HSPH1: variants seen among roughly 807,000 people sequenced by gnomAD.
HSPH1 encodes heat shock protein family H (Hsp110) member 1, also known as heat shock protein 105 kDa.
A neutral mutation model predicts 100.0 loss-of-function variants in HSPH1; 40 were observed. The ratio of observed to expected loss-of-function variants is 0.40; its 90% CI spans 0.31 to 0.52. HSPH1 has a LOEUF of 0.52. HSPH1 is among the 20% of genes least tolerant of loss of function. The probability of loss-of-function intolerance (pLI) is 0.54; values close to 1 mark genes in which losing one functional copy is unlikely to be tolerated. For missense variants in HSPH1, 876 were observed against 1,015.1 expected, an observed-to-expected ratio of 0.86 and a Z score of 1.86; for synonymous variants, 403 against 344.0, an observed-to-expected ratio of 1.17 and a Z score of -1.90.
chr13:31,143,064 A>C (rs980925463), intron 12 of HSPH1, among the ~76,000 whole-genome samples: 3 of 152,086 alleles, frequency 2.0e-5, no homozygotes, highest in Non-Finnish European at 4.4e-5. Flanking sequence ...GAGGATAAAA[A>C]ACTCTACCCT....
chr13:31,160,646 A>G (rs966303402), intron 1 of HSPH1, among the ~76,000 whole-genome samples: 1 of 152,216 alleles, frequency 6.6e-6, no homozygotes, highest in African/African-American at 2.4e-5. Context: ...GCTCCTATAG[A>G]ATATTTAGTT....
At chr13:31,148,316 A>G in intron 9 of HSPH1, 58 bp downstream of exon 9, 1 of 1,150,066 alleles carries the variant, frequency 8.7e-7, no homozygotes, top group South Asian at 1.3e-5. Context: ...TAGAGAAGTC[A>G]TTTGTTAATT....
rs756293393 is a variant in HSPH1, at chr13:31,153,001, A to G, written c.430-50T>C. The G allele has an allele frequency of 3.2e-6, 4 of 1,246,262 alleles. No individual in the cohort carries two copies. The African/African-American group carries it at 4.4e-5, about 14-fold the overall frequency. The allele number at this position is 1,246,262 out of a possible 1,614,324, so 77.2% of individuals were successfully genotyped here. A position where few individuals can be genotyped will look rare whatever the true frequency, so the allele number is the denominator to read the frequency against. ...ATTATCTAGAACACAAAATATACTTAGAAATTCCTCACAAACCACTTATAA... is the reference window on the plus strand; with the variant it reads ...ATTATCTAGAACACAAAATATACTTGGAAATTCCTCACAAACCACTTATAA... On this transcript the variant is annotated intron_variant, in intron 4 of 17. Coordinates refer to ENST00000320027, the MANE Select transcript of HSPH1 (RefSeq NM_006644.4).
chr13:31,141,849 G>A (rs976738675), intron 12 of HSPH1, among the ~76,000 whole-genome samples: 12 of 150,646 alleles, frequency 8.0e-5, no homozygotes, highest in African/African-American at 2.2e-4. Flanking sequence ...ATCCACCTTT[G>A]AATTGTATCA....
intron 12 of HSPH1, 128 bp from the exon 13 acceptor site, chr13:31,141,387 G>A: frequency 1.5e-6 from 1 of 688,886 alleles, no homozygotes. Context: ...AAAGTTGGAA[G>A]GATCTACAGG....
chr13:31,152,736 A>G (rs548177497), intron 5 of HSPH1, 116 bp downstream of exon 5: 2 of 697,404 alleles, frequency 2.9e-6, no homozygotes, highest in Non-Finnish European at 5.0e-6. Context: ...TTTGTTTTCA[A>G]ATCTGACTTG....
intron 2 of HSPH1, among the ~76,000 whole-genome samples, chr13:31,157,710 T>A (rs961756632): frequency 1.3e-5 from 2 of 152,244 alleles, no homozygotes; most frequent in African/African-American, 4.8e-5. Flanking sequence ...TATCTTTTAC[T>A]GTTTTTCTCT....
At chr13:31,146,235 C>T (rs1456565381) in intron 10 of HSPH1, among the ~76,000 whole-genome samples, 4 of 152,136 alleles carry the variant, frequency 2.6e-5, no homozygotes, top group Admixed American at 6.6e-5. Flanking sequence ...AAATCTTCTA[C>T]CTAGTCTTTA....
rs764560196 is a variant in HSPH1, at chr13:31,148,072, C to T, written c.1265G>A (p.Arg422Gln). 18 of 1,606,030 alleles carry T rather than the reference C, an allele frequency of 1.1e-5. No individual in the cohort carries two copies. Among genetic ancestry groups the T allele is most frequent in the East Asian group, 2.2e-5 (1 of 44,746 alleles). ...TTTGGAGAAAGGAGCAGCATGGTTTCGACTAAAGACTTCATGAACACTAGA... is the reference window on the plus strand; with the variant it reads ...TTTGGAGAAAGGAGCAGCATGGTTTTGACTAAAGACTTCATGAACACTAGA... ...DTEGVHEVFS[R>Q]NHAAPFSKVL... The change falls in exon 10 of 18, where the codon CGA (arginine) becomes CAA (glutamine). Residue 422 changes from arginine (R) to glutamine (Q), a missense_variant. Arg to Gln is a conservative substitution (Grantham distance 43). Transcript: ENST00000320027.
upstream of HSPH1, chr13:31,161,936 G>C: frequency 6.5e-7 from 1 of 1,535,064 alleles, no homozygotes; most frequent in Non-Finnish European, 8.7e-7. Flanking sequence ...TCAGCCTTAT[G>C]TATCGCACTG....
At chr13:31,148,260 A>G (rs187631869) in intron 9 of HSPH1, 114 bp downstream of exon 9, 2 of 1,010,960 alleles carry the variant, frequency 2.0e-6, no homozygotes, top group Non-Finnish European at 3.0e-6. Flanking sequence ...CAAAGATTCC[A>G]GGTAAATTAA....
chr13:31,155,187 C>A (rs1483252744), intron 3 of HSPH1, among the ~76,000 whole-genome samples: 2 of 152,186 alleles, frequency 1.3e-5, no homozygotes, highest in East Asian at 3.9e-4. Flanking sequence ...GCTCTCCAAA[C>A]AACTGCAACT....
At position 31,154,359 on chromosome 13, in the gene HSPH1, C is replaced by T. The variant is rs1956600519; in HGVS notation, c.429+274G>A. 6 of 471,892 alleles carry T rather than the reference C, an allele frequency of 1.3e-5. No homozygotes were observed. In the South Asian group the frequency reaches 1.3e-4, roughly 10 times the overall value. The allele number at this position is 471,892 out of a possible 1,614,324, so 29.2% of individuals were successfully genotyped here. ...ACAAGCCTGATAGTGCAGCAACTAA[C>T]TGTATTAGAATACTCACAAATGGAA... On this transcript the variant is annotated intron_variant, in intron 4 of 17. Coordinates refer to ENST00000320027, the MANE Select transcript of HSPH1 (RefSeq NM_006644.4).
intron 2 of HSPH1, among the ~76,000 whole-genome samples, chr13:31,156,489 G>A (rs1956699703): frequency 6.6e-6 from 1 of 152,024 alleles, no homozygotes; most frequent in Admixed American, 6.5e-5. Flanking sequence ...GCTGGAACCT[G>A]GGAGGCAGAA....
At chr13:31,160,410 G>T (rs1182076386) in intron 1 of HSPH1, among the ~76,000 whole-genome samples, 1 of 152,012 alleles carries the variant, frequency 6.6e-6, no homozygotes, top group Non-Finnish European at 1.5e-5. Context: ...CCAAATAATT[G>T]TATTACCCCA....
rs1956934577 is a variant in HSPH1 at position 31,161,883 on chromosome 13, G to A, written c.-301C>T. On this transcript the variant is annotated 5_prime_UTR_variant, in exon 1 of 18. Transcript: ENST00000320027. ...ACTCTGCCGCGGCTCGCACACCGGC[G>A]CCGGCGCTGAACTACCGACCCAAAA... 4 of 1,488,152 alleles carry A rather than the reference G, an allele frequency of 2.7e-6. No individual in the cohort carries two copies. Among genetic ancestry groups the A allele is most frequent in the Admixed American group, 2.2e-5 (1 of 45,984 alleles). 92.2% of individuals were successfully genotyped at this position (1,488,152 alleles called of 1,614,324 possible). A position where few individuals can be genotyped will look rare whatever the true frequency, so the allele number is the denominator to read the frequency against.
intron 2 of HSPH1, 49 bp downstream of exon 2, chr13:31,158,757 T>C (rs767934099): frequency 1.6e-6 from 2 of 1,224,528 alleles, no homozygotes; most frequent in South Asian, 2.4e-5. Context: ...ATTTTCCTTT[T>C]AAAAACTCCC....
At chr13:31,148,266 AT>A (rs1956341949) in intron 9 of HSPH1, 107 bp downstream of exon 9, 5 of 1,001,320 alleles carry the variant, frequency 5.0e-6, no homozygotes, top group Non-Finnish European at 7.6e-6. Flanking sequence ...TTCCAGGTAA[AT>A]TAATGACTAC....
Position 31,161,625 on chromosome 13 carries a change from T to G in HSPH1, c.-43A>C. The G allele has an allele frequency of 6.2e-7, 1 of 1,605,226 alleles. No individual in the cohort carries two copies. The highest frequency in any genetic ancestry group is 2.2e-5 in the East Asian group (1 of 44,750). ...CCTCCGCCTCGGGTCTCGGTCTGCGTCCTCCGGCCCCCTGCCTGCTTCTCC... is the reference window on the plus strand; with the variant it reads ...CCTCCGCCTCGGGTCTCGGTCTGCGGCCTCCGGCCCCCTGCCTGCTTCTCC... On this transcript the variant is annotated 5_prime_UTR_variant, in exon 1 of 18. Transcript: ENST00000320027.
Sources: gnomAD v4.1 joint callset for allele counts (sites outside exome capture counted in the v4.1 genomes callset) on GRCh38, gnomAD v4.1.1 for gene constraint, MANE v1.5 for transcripts, NCBI Gene and HGNC (gene_info 2026-07-23, HGNC 2026-07-21) for gene names.